ZC3H12B: variants seen among roughly 807,000 people sequenced by gnomAD.
ZC3H12B encodes the protein zinc finger CCCH-type containing 12B.
ZC3H12B carries 7 observed loss-of-function variants against 43.9 expected under a neutral mutation model. The ratio of observed to expected loss-of-function variants is 0.16; its 90% CI spans 0.09 to 0.30. The LOEUF is 0.30. ZC3H12B is among the 10% of genes least tolerant of loss of function. The probability of loss-of-function intolerance (pLI) is 1.00; values close to 1 mark genes in which losing one functional copy is unlikely to be tolerated. For synonymous variants in ZC3H12B, 222 were observed against 241.7 expected, an observed-to-expected ratio of 0.92 and a Z score of 0.76; for missense variants, 475 against 670.2, an observed-to-expected ratio of 0.71 and a Z score of 3.22.
chrX:65,258,372 T>G, the ZC3H12B span, among the ~76,000 whole-genome samples: 4 of 111,869 alleles, frequency 3.6e-5, no homozygotes, highest in African/African-American at 1.3e-4. Flanking sequence ...CAACATTCCT[T>G]CATGTTGAAA....
intron 3 of ZC3H12B, among the ~76,000 whole-genome samples, chrX:65,415,510 A>C (rs1243406383): frequency 8.9e-6 from 1 of 112,404 alleles, no homozygotes; most frequent in Non-Finnish European, 1.9e-5. Context: ...TTTGTGTCTT[A>C]TTGCTACAAA....
the ZC3H12B span, among the ~76,000 whole-genome samples, chrX:65,297,589 C>T: frequency 1.8e-5 from 2 of 110,780 alleles, no homozygotes; most frequent in Non-Finnish European, 3.8e-5. Context: ...AATCTACAAA[C>T]TTAATGCAAT....
At chrX:65,226,325 A>T in the ZC3H12B span, among the ~76,000 whole-genome samples, 1 of 111,330 alleles carries the variant, frequency 9.0e-6, no homozygotes, top group Non-Finnish European at 1.9e-5. Flanking sequence ...AAATGCTGAG[A>T]GATTTTGTCA....
the ZC3H12B span, among the ~76,000 whole-genome samples, chrX:65,154,517 A>G: frequency 1.2e-3 from 136 of 112,183 alleles, no homozygotes; most frequent in African/African-American, 4.2e-3. Context: ...CTCTGTGTCT[A>G]TAATAACAGT....
chrX:65,067,712 T>A, the ZC3H12B span, among the ~76,000 whole-genome samples: 1 of 108,513 alleles, frequency 9.2e-6, no homozygotes. Flanking sequence ...TTCATTGATC[T>A]TTTTTTTTTA....
At chrX:65,225,620 A>C in the ZC3H12B span, among the ~76,000 whole-genome samples, 4 of 112,072 alleles carry the variant, frequency 3.6e-5, no homozygotes, top group African/African-American at 9.7e-5. Context: ...GAAGTTAAAA[A>C]CTTTGAAAAA....
intron 3 of ZC3H12B, among the ~76,000 whole-genome samples, chrX:65,404,356 C>T (rs868360696): frequency 1.8e-5 from 2 of 110,953 alleles, no homozygotes; most frequent in Non-Finnish European, 3.8e-5. Flanking sequence ...AGGAGTAAGT[C>T]TTTATCAATA....
chrX:65,372,501 AAAGGAAGG>A (rs542094495), intron 2 of ZC3H12B, among the ~76,000 whole-genome samples: 2,772 of 83,409 alleles, frequency 0.033, 52 homozygotes, highest in Middle Eastern at 0.045. Flanking sequence ...GGAAGGAAGG[AAAGGAAGG>A]AAGGAAGGAA....
the ZC3H12B span, among the ~76,000 whole-genome samples, chrX:65,161,547 G>A: frequency 9.0e-6 from 1 of 111,294 alleles, no homozygotes; most frequent in African/African-American, 3.3e-5. Flanking sequence ...GATCTTTGTT[G>A]GTTTAAAGTC....
the ZC3H12B span, among the ~76,000 whole-genome samples, chrX:65,213,518 A>G: frequency 9.0e-6 from 1 of 110,750 alleles, no homozygotes; most frequent in Non-Finnish European, 1.9e-5. Context: ...TGCGCTATAC[A>G]TGGTTGATAT....
chrX:65,377,674 A>T (rs1240957937), intron 2 of ZC3H12B, among the ~76,000 whole-genome samples: 1 of 111,961 alleles, frequency 8.9e-6, no homozygotes, highest in Non-Finnish European at 1.9e-5. Context: ...AAATTCTTCA[A>T]ACATAATGAA....
chrX:65,425,456 A>T (rs1434891626), intron 3 of ZC3H12B, among the ~76,000 whole-genome samples: 2 of 108,460 alleles, frequency 1.8e-5, no homozygotes, highest in African/African-American at 6.7e-5. Flanking sequence ...AATACTCTTT[A>T]TTTTTTTTTC....
intron 1 of ZC3H12B, among the ~76,000 whole-genome samples, 184 bp from the exon 7 acceptor site, chrX:65,496,948 C>CA (rs373400545): frequency 0.044 from 1,795 of 40,748 alleles, 23 homozygotes; most frequent in East Asian, 0.096. Flanking sequence ...AAAGTGAGAC[C>CA]AAAAAAAAAA....
chrX:65,175,850 A>ATC, the ZC3H12B span, among the ~76,000 whole-genome samples: 48 of 112,147 alleles, frequency 4.3e-4, no homozygotes, highest in African/African-American at 1.6e-3. Context: ...GAGACGCTGC[A>ATC]TTCCAGTGAA....
the ZC3H12B span, among the ~76,000 whole-genome samples, chrX:65,313,148 C>T: frequency 3.6e-3 from 400 of 111,679 alleles, 9 homozygotes; most frequent in East Asian, 0.053. Flanking sequence ...TCCCAAAGGG[C>T]GGGATTACAG....
the ZC3H12B span, among the ~76,000 whole-genome samples, chrX:65,154,967 G>GTTT: frequency 9.8e-6 from 1 of 102,162 alleles, no homozygotes; most frequent in Non-Finnish European, 2.0e-5. Context: ...GTTTGCTAAG[G>GTTT]TTTTTTTTTT....
At chrX:65,255,883 C>T in the ZC3H12B span, among the ~76,000 whole-genome samples, 1 of 111,967 alleles carries the variant, frequency 8.9e-6, no homozygotes. Context: ...TCAGGGGTTG[C>T]TATTCTAATT....
chrX:65,465,193 A>T (rs947521661), intron 3 of ZC3H12B, among the ~76,000 whole-genome samples: 2 of 110,974 alleles, frequency 1.8e-5, no homozygotes, highest in Non-Finnish European at 3.8e-5. Context: ...TTATTGAAAG[A>T]GAGTATTAAA....
At chrX:65,165,608 C>T in the ZC3H12B span, among the ~76,000 whole-genome samples, 56 of 112,391 alleles carry the variant, frequency 5.0e-4, 1 homozygote, top group African/African-American at 1.8e-3. Context: ...ATCCATCTCC[C>T]TACAAATGAC....
Sources: allele counts gnomAD v4.1 joint callset (sites outside exome capture counted in the v4.1 genomes callset), GRCh38; gene constraint gnomAD v4.1.1; transcripts MANE v1.5; gene names NCBI Gene and HGNC (gene_info 2026-07-23, HGNC 2026-07-21).